Variants in EIF3B observed in about 807,000 individuals in gnomAD.
EIF3B encodes the protein eukaryotic translation initiation factor 3 subunit 9.
A neutral mutation model predicts 104.6 loss-of-function variants in EIF3B; 10 were observed. The observed-to-expected ratio is 0.10, with a 90% CI of 0.06 to 0.16. The LOEUF is 0.16. EIF3B is among the 10% of genes least tolerant of loss of function. The pLI is 1.00. For synonymous variants in EIF3B, 542 were observed against 417.2 expected, an observed-to-expected ratio of 1.30 and a Z score of -3.65; for missense variants, 1,014 against 1,087.9, an observed-to-expected ratio of 0.93 and a Z score of 0.96.
intron 1 of EIF3B, among the ~76,000 whole-genome samples, chr7:2,356,222 A>C (rs1223170805): frequency 6.6e-6 from 1 of 152,194 alleles, no homozygotes; most frequent in East Asian, 1.9e-4. Context: ...AGAGTGAGAA[A>C]AATAAAAATA....
chr7:2,360,743 A>G lies in EIF3B; in HGVS notation c.533A>G (p.Gln178Arg), dbSNP rs2115286423. The G allele has an allele frequency of 6.3e-7, 1 of 1,597,120 alleles. No individual in the cohort carries two copies. Among genetic ancestry groups the G allele is most frequent in the Non-Finnish European group, 8.6e-7 (1 of 1,165,966 alleles). ...GGAGATGTACTCAAAGATCGGCCCC[A>G]GGAAGCAGATGGAATCGATTCGGTG... ...LLGDVLKDRP[Q>R]EADGIDSVIV... Residue 178 changes from glutamine to arginine, a missense_variant, in exon 2 of 19, where the codon CAG becomes CGG. Transcript: ENST00000360876.
At chr7:2,368,182 G>T (rs1780137838) in intron 9 of EIF3B, among the ~76,000 whole-genome samples, 2 of 151,912 alleles carry the variant, frequency 1.3e-5, no homozygotes, top group Admixed American at 1.3e-4. Context: ...TTACTCTGTT[G>T]CCCAGGCTGG....
chr7:2,370,830 CT>C (rs1287364243), intron 10 of EIF3B, among the ~76,000 whole-genome samples: 1 of 152,098 alleles, frequency 6.6e-6, no homozygotes, highest in Non-Finnish European at 1.5e-5. Context: ...AATCCCAGCA[CT>C]TTGGGAGGCT....
chr7:2,363,822 G>C (rs1489935619), intron 5 of EIF3B, 62 bp downstream of exon 5: 5 of 1,540,144 alleles, frequency 3.2e-6, no homozygotes, highest in African/African-American at 1.4e-5. Context: ...TAACAAAGTG[G>C]AACTTTGTTT....
At chr7:2,359,674 C>G (rs544264806) in intron 1 of EIF3B, among the ~76,000 whole-genome samples, 1 of 152,338 alleles carries the variant, frequency 6.6e-6, no homozygotes, top group South Asian at 2.1e-4. Context: ...TGTAGCCTGT[C>G]GGTCAGAACC....
Position 2,362,589 on chromosome 7 carries a change from G to A in EIF3B, c.693-56G>A, listed in dbSNP as rs1417357458. The A allele has an allele frequency of 3.5e-5, 56 of 1,607,094 alleles. No individual in the cohort carries two copies. In the East Asian group the frequency reaches 6.3e-4, roughly 18 times the overall value. ...CGTGGAGAGGGGTGGGGCGGACAGC[G>A]CATACCTGCCTAGCCTTACAGTGTG... is the stretch of plus-strand genomic sequence containing the variant. On this transcript the variant is annotated intron_variant, in intron 2 of 18. Transcript: ENST00000360876.
At chr7:2,364,184 C>A in intron 5 of EIF3B, 188 bp from the exon 6 acceptor site, 1 of 558,296 alleles carries the variant, frequency 1.8e-6, no homozygotes, top group South Asian at 2.4e-5. Context: ...ATGGCATGAA[C>A]CTGGGAGGTG....
At position 2,354,827 on chromosome 7, in the gene EIF3B, A is replaced by T. The variant is rs1052877552; in HGVS notation, c.-95A>T. 1.4e-5 allele frequency: 14 copies of T among 1,024,576 alleles called. No individual in the cohort carries two copies. In the East Asian group the frequency reaches 3.3e-4, roughly 24 times the overall value. The allele number at this position is 1,024,576 out of a possible 1,614,324, so 63.5% of individuals were successfully genotyped here. A position where few individuals can be genotyped will look rare whatever the true frequency, so the allele number is the denominator to read the frequency against. On this transcript the variant is annotated 5_prime_UTR_variant, in exon 1 of 19. An upstream start codon of the reference 5' UTR is lost. Transcript: ENST00000360876. ...GGTGCGGCCTCCCCGTCGCACGCAC[A>T]TGGCTGGGCTGTAGCCGTCGCGGCG...
intron 11 of EIF3B, 61 bp from the exon 12 acceptor site, chr7:2,372,612 G>T: frequency 1.3e-6 from 2 of 1,576,806 alleles, no homozygotes; most frequent in South Asian, 2.3e-5. Flanking sequence ...CATTTTAACT[G>T]ATCAAGAGCA....
chr7:2,354,970 G>A lies in EIF3B; in HGVS notation c.49G>A (p.Ala17Thr), dbSNP rs940228309. 2.5e-6 allele frequency: 3 copies of A among 1,184,162 alleles called. No homozygotes were observed. Among genetic ancestry groups the A allele is most frequent in the African/African-American group, 3.3e-5 (2 of 61,532 alleles). The allele number at this position is 1,184,162 out of a possible 1,614,324, so 73.4% of individuals were successfully genotyped here. A position where few individuals can be genotyped will look rare whatever the true frequency, so the allele number is the denominator to read the frequency against. Residue 17 changes from alanine to threonine, a missense_variant, in exon 1 of 19, where the codon GCC (alanine) becomes ACC (threonine). Transcript: ENST00000360876. ...GGTGCCCGAGGCGGCCGAGGAGCGC[G>A]CCGAGCCCGGCCAGCAGCAGCCGGC... ...VAVPEAAEER[A>T]EPGQQQPAAE...
intron 1 of EIF3B, among the ~76,000 whole-genome samples, chr7:2,357,835 T>C (rs528493435): frequency 2.0e-5 from 3 of 152,272 alleles, no homozygotes; most frequent in African/African-American, 4.8e-5. Context: ...GCTTTGAGCT[T>C]GTGGGAAGGA....
At chr7:2,355,509 G>A (rs898418561) in intron 1 of EIF3B, 89 bp downstream of exon 1, 4 of 1,393,302 alleles carry the variant, frequency 2.9e-6, no homozygotes, top group South Asian at 1.5e-5. Context: ...TGTGCCACCG[G>A]TTCGTGCAGA....
intron 6 of EIF3B, 111 bp downstream of exon 6, chr7:2,364,640 T>C (rs559463332): frequency 4.0e-5 from 40 of 1,011,586 alleles, no homozygotes; most frequent in Non-Finnish European, 5.5e-5. Flanking sequence ...AATACGGGAG[T>C]ATGCAGAACG....
In EIF3B at chr7:2,355,384, G is replaced by T; in HGVS notation, c.463G>T (p.Asp155Tyr). Residue 155 changes from aspartate (D) to tyrosine (Y), a missense_variant, in exon 1 of 19, where the codon GAC (aspartate) becomes TAC (tyrosine). Coordinates refer to ENST00000360876, the MANE Select transcript of EIF3B (RefSeq NM_001037283.2). ...NGDADEPSFS[D>Y]PEDFVDDVSE... ...CGACGCGGACGAGCCCTCCTTCAGC[G>T]ACCCCGAGGACTTCGTGGACGACGT... The T allele has an allele frequency of 6.6e-7, 1 of 1,514,662 alleles. No homozygotes were observed. Among genetic ancestry groups the T allele is most frequent in the South Asian group, 1.2e-5 (1 of 81,854 alleles). The allele number at this position is 1,514,662 out of a possible 1,614,324, so 93.8% of individuals were successfully genotyped here. A position where few individuals can be genotyped will look rare whatever the true frequency, so the allele number is the denominator to read the frequency against.
chr7:2,366,906 T>G, intron 8 of EIF3B, 93 bp from the exon 9 acceptor site: 2 of 1,375,416 alleles, frequency 1.5e-6, no homozygotes, highest in Non-Finnish European at 2.1e-6. Flanking sequence ...CAAACTCACA[T>G]CAGACTCTTG....
In EIF3B at chr7:2,354,967, C is replaced by T; in HGVS notation, c.46C>T (p.Arg16Cys). 2 of 1,195,472 alleles carry T rather than the reference C, an allele frequency of 1.7e-6. No individual in the cohort carries two copies. Among genetic ancestry groups the T allele is most frequent in the Non-Finnish European group, 1.0e-6 (1 of 962,980 alleles). 74.1% of individuals were successfully genotyped at this position (1,195,472 alleles called of 1,614,324 possible). Residue 16 changes from arginine to cysteine, a missense_variant, in exon 1 of 19, where the codon CGC (arginine) becomes TGC (cysteine). Transcript: ENST00000360876. The part of the protein sequence containing the change: ...NVAVPEAAEE[R>C]AEPGQQQPAA... ...GGCGGTGCCCGAGGCGGCCGAGGAG[C>T]GCGCCGAGCCCGGCCAGCAGCAGCC...
intron 9 of EIF3B, among the ~76,000 whole-genome samples, 183 bp from the exon 10 acceptor site, chr7:2,369,289 C>T (rs948914293): frequency 7.9e-5 from 12 of 152,190 alleles, no homozygotes; most frequent in Admixed American, 1.3e-4. Context: ...CCACAGGGTC[C>T]TGGCGAGGAC....
chr7:2,364,502 A>T lies in EIF3B; in HGVS notation c.1130A>T (p.Gln377Leu). The T allele has an allele frequency of 6.2e-7, 1 of 1,613,350 alleles. No individual in the cohort carries two copies. The part of the protein sequence containing the change: ...QIQRFSHQGV[Q>L]LIDFSPCERY... ...CAGAGATTCAGCCACCAAGGGGTTC[A>T]GCTTATTGACTTCTCACCTTGTGAA... The change falls in exon 6 of 19, where the codon CAG (glutamine) becomes CTG (leucine). Residue 377 changes from glutamine to leucine, a missense_variant. Transcript: ENST00000360876.
Position 2,355,217 on chromosome 7 carries a change from C to T in EIF3B, c.296C>T (p.Pro99Leu), listed in dbSNP as rs759355139. Residue 99 changes from proline to leucine, a missense_variant, in exon 1 of 19, where the codon CCC becomes CTC. Pro to Leu is a moderately conservative substitution (Grantham distance 98). This residue lies in a region of EIF3B where 488 missense variants were observed against 404.3 expected (regional missense o/e 1.21). Coordinates refer to ENST00000360876, the MANE Select transcript of EIF3B (RefSeq NM_001037283.2). ...GAGCTGCCCGGGTCGCATGCTGAGC[C>T]CCCTGTCCCGGCACAGGGCGAGGCC... ...AEELPGSHAE[P>L]PVPAQGEAPG... 36 of 1,495,300 alleles carry T rather than the reference C, an allele frequency of 2.4e-5. 1 individual carries two copies. The South Asian group carries it at 3.1e-4, about 13-fold the overall frequency. The allele number at this position is 1,495,300 out of a possible 1,614,324, so 92.6% of individuals were successfully genotyped here.
Sources: gnomAD v4.1 joint callset for allele counts (sites outside exome capture counted in the v4.1 genomes callset) on GRCh38, gnomAD v4.1.1 for gene constraint, gnomAD v4.1.1 regional missense constraint, MANE v1.5 for transcripts, NCBI Gene and HGNC (gene_info 2026-07-23, HGNC 2026-07-21) for gene names.